Variants in ANKRD31 observed in about 807,000 individuals in gnomAD.
ANKRD31 encodes ankyrin repeat domain-containing protein 31.
In ANKRD31, 147 loss-of-function variants were observed where a neutral mutation model predicts 186.0. The observed-to-expected ratio is 0.79, with a 90% CI of 0.69 to 0.91. The LOEUF is 0.91. Ranked by LOEUF, ANKRD31 falls within the 40% of genes least tolerant of loss-of-function variation. The pLI, the probability that ANKRD31 is intolerant of heterozygous loss-of-function variation, is 0.00. For synonymous variants in ANKRD31, 673 were observed against 736.4 expected (o/e 0.91, Z 1.39); for missense variants, 1,986 against 2,148.8 (o/e 0.92, Z 1.50).
At chr5:75,216,270 G>A (rs899384939) in intron 3 of ANKRD31, among the ~76,000 whole-genome samples, 7 of 152,088 alleles carry the variant, frequency 4.6e-5, no homozygotes, top group Non-Finnish European at 1.0e-4. Context: ...GAAATTAATT[G>A]GAAGGCTTTT....
intron 9 of ANKRD31, among the ~76,000 whole-genome samples, chr5:75,192,083 C>T (rs950727096): frequency 1.3e-5 from 2 of 152,066 alleles, no homozygotes; most frequent in Admixed American, 6.5e-5. Flanking sequence ...CTTACTAATA[C>T]TTTAATGTAT....
chr5:75,147,322 T>G lies in ANKRD31; in HGVS notation c.2089A>C (p.Lys697Gln), dbSNP rs770465145. 6 of 1,533,554 alleles carry G rather than the reference T, an allele frequency of 3.9e-6. No homozygotes were observed. The South Asian group carries it at 7.2e-5, about 18-fold the overall frequency. The allele number at this position is 1,533,554 out of a possible 1,614,324, so 95.0% of individuals were successfully genotyped here. The change falls in exon 14 of 26, where the codon AAA becomes CAA. Residue 697 changes from lysine (K) to glutamine (Q), a missense_variant. By Grantham distance (53) the Lys-to-Gln change is moderately conservative (BLOSUM62 1). Coordinates refer to ENST00000506364, the MANE Select transcript of ANKRD31 (RefSeq NM_001372053.1). Reference protein sequence around the residue: ...KNTKFGKSKHKQSTLDQIYST... With the variant: ...KNTKFGKSKHQQSTLDQIYST... ...TATATCTGGTCAAGAGTTGATTGTT[T>G]ATGCTTGGATTTACCAAATTTTGTG...
intron 6 of ANKRD31, among the ~76,000 whole-genome samples, chr5:75,199,355 A>C (rs1393609911): frequency 6.6e-6 from 1 of 152,194 alleles, no homozygotes; most frequent in Non-Finnish European, 1.5e-5. Context: ...TTATCTCAGA[A>C]ACAGTTTGAT....
At chr5:75,164,656 T>C (rs1752799576) in intron 11 of ANKRD31, among the ~76,000 whole-genome samples, 1 of 152,240 alleles carries the variant, frequency 6.6e-6, no homozygotes, top group Non-Finnish European at 1.5e-5. Flanking sequence ...AGTGAGGCTC[T>C]AGCTTCTGCC....
At chr5:75,127,184 C>CAAA (rs5868764) in intron 17 of ANKRD31, among the ~76,000 whole-genome samples, 8 of 120,332 alleles carry the variant, frequency 6.6e-5, no homozygotes, top group African/African-American at 1.2e-4. Flanking sequence ...GACTCCATCT[C>CAAA]AAAAAAAAAA....
chr5:75,228,357 A>G (rs758901449), intron 2 of ANKRD31, among the ~76,000 whole-genome samples: 3 of 152,210 alleles, frequency 2.0e-5, no homozygotes, highest in Non-Finnish European at 2.9e-5. Context: ...TGCAAAACCA[A>G]GGACAATTTT....
intron 22 of ANKRD31, among the ~76,000 whole-genome samples, chr5:75,097,118 A>ATACATATGC (rs1561415153): frequency 6.6e-6 from 1 of 152,216 alleles, no homozygotes; most frequent in African/African-American, 2.4e-5. Context: ...CACAATAAAC[A>ATACATATGC]TACATATGCA....
At chr5:75,103,048 C>A (rs1747036676) in intron 22 of ANKRD31, among the ~76,000 whole-genome samples, 1 of 152,114 alleles carries the variant, frequency 6.6e-6, no homozygotes, top group African/African-American at 2.4e-5. Context: ...TCCTATTCGG[C>A]CATCTTGGAA....
In ANKRD31 at chr5:75,146,766, C is replaced by T. The variant is rs1234298541; in HGVS notation, c.2645G>A (p.Arg882Lys). The change falls in exon 14 of 26, where the codon AGA (arginine) becomes AAA (lysine). Residue 882 changes from arginine to lysine, a missense_variant. Transcript: ENST00000506364. ...GAAAGAATTTTCCCATTTGTTAAAT[C>T]TCTCATCTTTTGGGACCAAGTTACT... ...ENSNLVPKDE[R>K]FNKWENSFLS... The T allele has an allele frequency of 1.3e-6, 2 of 1,536,130 alleles. No homozygotes were observed. The highest frequency in any genetic ancestry group is 2.4e-5 in the East Asian group (1 of 40,876).
intron 7 of ANKRD31, among the ~76,000 whole-genome samples, chr5:75,194,284 A>AT (rs1256832161): frequency 1.3e-5 from 2 of 151,900 alleles, no homozygotes; most frequent in African/African-American, 4.8e-5. Context: ...AAGAGGGTTT[A>AT]TTTTTTTTCC....
chr5:75,235,969 C>A (rs752944114), intron 1 of ANKRD31, among the ~76,000 whole-genome samples: 1 of 152,194 alleles, frequency 6.6e-6, no homozygotes, highest in African/African-American at 2.4e-5. Flanking sequence ...TGACCTAATT[C>A]TGTGTACGAT....
chr5:75,175,062 A>C (rs1441405830), intron 10 of ANKRD31, among the ~76,000 whole-genome samples: 1 of 152,242 alleles, frequency 6.6e-6, no homozygotes, highest in East Asian at 1.9e-4. Context: ...AAAAAGGATG[A>C]GTTCATGTCC....
At chr5:75,134,386 C>G (rs1202280947) in intron 17 of ANKRD31, among the ~76,000 whole-genome samples, 1 of 152,112 alleles carries the variant, frequency 6.6e-6, no homozygotes, top group Non-Finnish European at 1.5e-5. Context: ...CTATAAACAC[C>G]TATACGCAAA....
intron 5 of ANKRD31, among the ~76,000 whole-genome samples, chr5:75,202,265 C>A (rs988874819): frequency 1.1e-4 from 16 of 152,170 alleles, no homozygotes; most frequent in African/African-American, 3.4e-4. Context: ...AATGATCATT[C>A]TTTTATGCCA....
chr5:75,087,962 T>C (rs1177271482), intron 23 of ANKRD31, among the ~76,000 whole-genome samples: 1 of 152,202 alleles, frequency 6.6e-6, no homozygotes, highest in Non-Finnish European at 1.5e-5. Flanking sequence ...CTTCACATTA[T>C]TTCTATTTTC....
intron 10 of ANKRD31, among the ~76,000 whole-genome samples, chr5:75,184,458 A>G (rs543551771): frequency 6.6e-6 from 1 of 152,304 alleles, no homozygotes; most frequent in East Asian, 1.9e-4. Flanking sequence ...TCAAGAGACA[A>G]CTTATAGAAT....
At chr5:75,073,599 A>G (rs1744407061) in intron 25 of ANKRD31, among the ~76,000 whole-genome samples, 1 of 152,220 alleles carries the variant, frequency 6.6e-6, no homozygotes, top group Non-Finnish European at 1.5e-5. Context: ...TTAGCTTAGT[A>G]ATTTCTGGAA....
At chr5:75,098,290 ATC>A (rs1746503215) in intron 22 of ANKRD31, among the ~76,000 whole-genome samples, 1 of 151,934 alleles carries the variant, frequency 6.6e-6, no homozygotes, top group African/African-American at 2.4e-5. Flanking sequence ...CCCGGCCTAT[ATC>A]TCTGTTTTGG....
Position 75,137,938 on chromosome 5 carries a change from A to G in ANKRD31, c.3794T>C (p.Leu1265Ser), listed in dbSNP as rs1561466322. 1 of 1,534,198 alleles carries G rather than the reference A, an allele frequency of 6.5e-7. No individual in the cohort carries two copies. Among genetic ancestry groups the G allele is most frequent in the South Asian group, 1.2e-5 (1 of 83,416 alleles). Residue 1265 changes from leucine (L) to serine (S), a missense_variant, in exon 17 of 26, where the codon TTA becomes TCA. Coordinates refer to ENST00000506364, the MANE Select transcript of ANKRD31 (RefSeq NM_001372053.1). ...ACAATTAACCTTAGCACCAGCTTTT[A>G]ATAACTCTACAATTATATCAATAGA... is the stretch of plus-strand genomic sequence containing the variant. ...EGSIDIIVEL[L>S]KAGAKVNCEN...
Sources: allele counts gnomAD v4.1 joint callset (sites outside exome capture counted in the v4.1 genomes callset), GRCh38; gene constraint gnomAD v4.1.1; transcripts MANE v1.5; gene names NCBI Gene and HGNC (gene_info 2026-07-23, HGNC 2026-07-21).